The following GREM2 variants were observed in gnomAD, a reference collection of about 807,000 sequenced individuals.
The protein encoded by GREM2 is gremlin-2.
In GREM2, 11 loss-of-function variants were observed where a neutral mutation model predicts 14.2. The observed-to-expected ratio is 0.78, with a 90% CI of 0.49 to 1.28. GREM2 has a LOEUF of 1.28. Ranked by LOEUF, GREM2 falls within the 50% of genes most tolerant of loss-of-function variation. The probability of loss-of-function intolerance (pLI) is 0.00; values close to 1 mark genes in which losing one functional copy is unlikely to be tolerated. For missense variants in GREM2, 210 were observed against 218.5 expected (o/e 0.96, Z 0.24); for synonymous variants, 98 against 97.6 (o/e 1.00, Z -0.02).
At chr1:240,572,689 T>C (rs1004784807) in intron 1 of GREM2, among the ~76,000 whole-genome samples, 10 of 152,206 alleles carry the variant, frequency 6.6e-5, no homozygotes, top group African/African-American at 9.6e-5. Context: ...GCTTTCTTAG[T>C]GGATTGGTTG....
chr1:240,571,905 A>G (rs1019912920), intron 1 of GREM2, among the ~76,000 whole-genome samples: 1 of 152,132 alleles, frequency 6.6e-6, no homozygotes, highest in African/African-American at 2.4e-5. Context: ...GCCAAACGCC[A>G]GAGCTGGGCT....
At chr1:240,515,862 T>A (rs1677943577) in intron 1 of GREM2, among the ~76,000 whole-genome samples, 1 of 152,144 alleles carries the variant, frequency 6.6e-6, no homozygotes, top group African/African-American at 2.4e-5. Context: ...ACTATATTGT[T>A]TGAACAATTC....
intron 1 of GREM2, among the ~76,000 whole-genome samples, chr1:240,582,559 G>T (rs1322962985): frequency 1.3e-5 from 2 of 152,090 alleles, no homozygotes; most frequent in Admixed American, 1.3e-4. Flanking sequence ...ACTTTGGGAG[G>T]CCGAGACAGG....
At chr1:240,560,101 C>T (rs1334264930) in intron 1 of GREM2, among the ~76,000 whole-genome samples, 1 of 152,128 alleles carries the variant, frequency 6.6e-6, no homozygotes, top group Non-Finnish European at 1.5e-5. Context: ...GCCTAGGCAA[C>T]ACAGTGAGAC....
At chr1:240,554,176 C>T (rs561715332) in intron 1 of GREM2, among the ~76,000 whole-genome samples, 50 of 151,984 alleles carry the variant, frequency 3.3e-4, no homozygotes, top group African/African-American at 9.9e-4. Context: ...TTTGGGAGGC[C>T]GAGGCAGGCA....
intron 1 of GREM2, among the ~76,000 whole-genome samples, chr1:240,505,671 A>AT (rs1484808515): frequency 2.0e-5 from 3 of 152,030 alleles, no homozygotes; most frequent in Admixed American, 2.0e-4. Context: ...AATCCCCAAA[A>AT]TTTAAATACT....
chr1:240,503,266 C>T (rs1473651312), intron 1 of GREM2, among the ~76,000 whole-genome samples: 1 of 152,156 alleles, frequency 6.6e-6, no homozygotes, highest in Non-Finnish European at 1.5e-5. Context: ...AGTTTATCTT[C>T]CCGTATATTA....
intron 1 of GREM2, among the ~76,000 whole-genome samples, chr1:240,516,098 C>T (rs1677949881): frequency 6.6e-6 from 1 of 150,724 alleles, no homozygotes; most frequent in Non-Finnish European, 1.5e-5. Context: ...GGTTTGGAAT[C>T]AAGGTCATTG....
chr1:240,582,458 T>C (rs963411586), intron 1 of GREM2, among the ~76,000 whole-genome samples: 2 of 151,490 alleles, frequency 1.3e-5, no homozygotes, highest in Non-Finnish European at 2.9e-5. Context: ...AAAAAGAGTT[T>C]AAGATATTGA....
intron 1 of GREM2, among the ~76,000 whole-genome samples, chr1:240,551,339 T>G (rs1572395048): frequency 2.2e-5 from 1 of 46,320 alleles, no homozygotes; most frequent in Admixed American, 2.1e-4. Flanking sequence ...TTACCTTGTG[T>G]TTTTTTTTGT....
intron 1 of GREM2, among the ~76,000 whole-genome samples, chr1:240,569,874 C>G (rs1679227896): frequency 6.6e-6 from 1 of 152,142 alleles, no homozygotes; most frequent in African/African-American, 2.4e-5. Context: ...AATGTGAAAA[C>G]AGACTAATAC....
intron 1 of GREM2, among the ~76,000 whole-genome samples, chr1:240,497,651 GT>G (rs71498915): frequency 9.6e-4 from 135 of 140,926 alleles, no homozygotes; most frequent in South Asian, 1.8e-3. Flanking sequence ...GAAAAAAAAA[GT>G]TTTTTTTTTT....
Position 240,492,742 on chromosome 1 carries a change from T to G in GREM2, c.*227A>C. On this transcript the variant is annotated 3_prime_UTR_variant, in exon 2 of 2. Coordinates refer to ENST00000318160, the MANE Select transcript of GREM2 (RefSeq NM_022469.4). ...CTTCGGGCCTGATCCACCGCCTGGTTTAGGGGGCACAGGTGGGACCCGGGG... is the reference window on the plus strand; with the variant it reads ...CTTCGGGCCTGATCCACCGCCTGGTGTAGGGGGCACAGGTGGGACCCGGGG... 7 of 335,266 alleles carry G rather than the reference T, an allele frequency of 2.1e-5. No individual in the cohort carries two copies. Among genetic ancestry groups the G allele is most frequent in the East Asian group, 5.2e-5 (1 of 19,092 alleles). The allele number at this position is 335,266 out of a possible 1,614,324, so 20.8% of individuals were successfully genotyped here.
intron 1 of GREM2, among the ~76,000 whole-genome samples, chr1:240,592,088 C>T (rs1013899626): frequency 6.6e-6 from 1 of 152,182 alleles, no homozygotes; most frequent in African/African-American, 2.4e-5. Context: ...GACACTCCAT[C>T]TTGGCATTGG....
At chr1:240,495,424 A>G (rs1301933751) in intron 1 of GREM2, among the ~76,000 whole-genome samples, 1 of 152,206 alleles carries the variant, frequency 6.6e-6, no homozygotes, top group Non-Finnish European at 1.5e-5. Flanking sequence ...AGAAATAACT[A>G]AAATTGAATA....
At chr1:240,578,543 G>A (rs1465449665) in intron 1 of GREM2, among the ~76,000 whole-genome samples, 1 of 152,028 alleles carries the variant, frequency 6.6e-6, no homozygotes, top group African/African-American at 2.4e-5. Flanking sequence ...CCAGCACTTT[G>A]TGAGTCTGAG....
chr1:240,499,319 C>G (rs907545367), intron 1 of GREM2, among the ~76,000 whole-genome samples: 19 of 152,146 alleles, frequency 1.2e-4, no homozygotes, highest in African/African-American at 4.6e-4. Context: ...CTGGGCTGTG[C>G]AGGAATGGTG....
intron 1 of GREM2, among the ~76,000 whole-genome samples, chr1:240,592,917 T>C (rs1571947828): frequency 6.6e-6 from 1 of 150,712 alleles, no homozygotes; most frequent in Non-Finnish European, 1.5e-5. Flanking sequence ...GCGGATCACC[T>C]GAGGACAGAA....
At chr1:240,550,481 T>C (rs1678825067) in intron 1 of GREM2, 1 of 152,246 alleles carries the variant, frequency 6.6e-6, no homozygotes. Flanking sequence ...GAAGACTCAG[T>C]GAATGTGAGT....
Sources: allele counts gnomAD v4.1 joint callset (sites outside exome capture counted in the v4.1 genomes callset), GRCh38; gene constraint gnomAD v4.1.1; transcripts MANE v1.5; gene names NCBI Gene and HGNC (gene_info 2026-07-23, HGNC 2026-07-21).